The following ARHGAP26 variants were observed in gnomAD, a reference collection of about 807,000 sequenced individuals.
ARHGAP26 encodes rho GTPase-activating protein 26.
A neutral mutation model predicts 104.8 loss-of-function variants in ARHGAP26; 38 were observed. The ratio of observed to expected loss-of-function variants is 0.36; its 90% CI spans 0.28 to 0.48. ARHGAP26 has a LOEUF of 0.48. ARHGAP26 is among the 20% of genes least tolerant of loss of function. The pLI, the probability that ARHGAP26 is intolerant of heterozygous loss-of-function variation, is 0.99. For missense variants in ARHGAP26, 704 were observed against 947.9 expected (o/e 0.74, Z 3.38); for synonymous variants, 341 against 340.0 (o/e 1.00, Z -0.03).
chr5:142,835,443 T>C (rs987318078), intron 1 of ARHGAP26, among the ~76,000 whole-genome samples: 8 of 152,214 alleles, frequency 5.3e-5, no homozygotes, highest in Non-Finnish European at 8.8e-5. Context: ...ATATCAAGTC[T>C]ATTTGATACA....
intron 1 of ARHGAP26, chr5:142,859,740 G>C (rs1400683651): frequency 6.6e-6 from 1 of 152,256 alleles, no homozygotes; most frequent in African/African-American, 2.4e-5. Context: ...GTGTGAGGAG[G>C]GCCTGAAAGG....
intron 1 of ARHGAP26, among the ~76,000 whole-genome samples, chr5:142,852,605 C>T (rs901258094): frequency 3.3e-5 from 5 of 152,204 alleles, no homozygotes; most frequent in Admixed American, 1.3e-4. Flanking sequence ...CATGCATTCT[C>T]GCATGTTGAT....
At position 143,224,614 on chromosome 5, in the gene ARHGAP26, A is replaced by C. The variant is rs1267125953; in HGVS notation, c.*2168A>C. On this transcript the variant is annotated 3_prime_UTR_variant, in exon 23 of 23. Coordinates refer to ENST00000645722, the MANE Select transcript of ARHGAP26 (RefSeq NM_001135608.3). ...CTGTGCTCTTTACTTCTTTTTCTCC[A>C]CATCTTCTGAGGCTTTAGAAATGTG... 1.3e-5 allele frequency: 3 copies of C among 231,060 alleles called. No individual in the cohort carries two copies. Among genetic ancestry groups the C allele is most frequent in the Admixed American group, 1.1e-4 (2 of 17,722 alleles). 14.3% of individuals were successfully genotyped at this position (231,060 alleles called of 1,614,324 possible). A position where few individuals can be genotyped will look rare whatever the true frequency, so the allele number is the denominator to read the frequency against.
At chr5:142,864,578 G>C (rs944978198) in intron 1 of ARHGAP26, among the ~76,000 whole-genome samples, 3 of 152,096 alleles carry the variant, frequency 2.0e-5, no homozygotes, top group African/African-American at 7.2e-5. Context: ...GGGTTGATCT[G>C]GTGACTCAAT....
intron 20 of ARHGAP26, among the ~76,000 whole-genome samples, chr5:143,177,690 G>A (rs1803686294): frequency 6.6e-6 from 1 of 152,166 alleles, no homozygotes; most frequent in Non-Finnish European, 1.5e-5. Flanking sequence ...GAAACAGTTT[G>A]CAGAGTGTTT....
chr5:143,116,309 T>C (rs960221958), intron 17 of ARHGAP26, among the ~76,000 whole-genome samples: 2 of 152,200 alleles, frequency 1.3e-5, no homozygotes, highest in Non-Finnish European at 2.9e-5. Context: ...GGATGGTGGA[T>C]AAGTGGGATG....
In ARHGAP26 at chr5:142,992,129, T is replaced by C. The variant is rs79179963; in HGVS notation, c.1108-21951T>C. ...CTCCTTTTGCAATTAGTTTATCCTT[T>C]GTACATTTTTTTTCTTTTGGTGTAT... On this transcript the variant is annotated intron_variant, in intron 11 of 22. Transcript: ENST00000645722. 6.8e-3 allele frequency among the ~76,000 whole-genome samples: 1,040 copies of C among 152,296 alleles called. 20 individuals carry two copies. Among genetic ancestry groups the C allele is most frequent in the African/African-American group, 0.024 (984 of 41,562 alleles).
At chr5:142,773,103 G>T (rs964615527) in intron 1 of ARHGAP26, among the ~76,000 whole-genome samples, 14 of 152,108 alleles carry the variant, frequency 9.2e-5, no homozygotes, top group Non-Finnish European at 1.9e-4. Flanking sequence ...AAAATAGAGG[G>T]TGGAGTCAAC....
chr5:143,187,372 AT>A, intron 20 of ARHGAP26, among the ~76,000 whole-genome samples: 1 of 152,174 alleles, frequency 6.6e-6, no homozygotes, highest in African/African-American at 2.4e-5. Context: ...CTTCCAAGCC[AT>A]TTTTTCCTCT....
intron 20 of ARHGAP26, among the ~76,000 whole-genome samples, chr5:143,200,662 T>A (rs1807566464): frequency 6.6e-6 from 1 of 152,226 alleles, no homozygotes; most frequent in Non-Finnish European, 1.5e-5. Context: ...AAATTATGTA[T>A]GGTTGTATTT....
In ARHGAP26 at chr5:143,228,108, C is replaced by T. The variant is rs183115570; in HGVS notation, c.*5662C>T. 2.9e-4 allele frequency: 64 copies of T among 224,018 alleles called. No individual in the cohort carries two copies. Among genetic ancestry groups the T allele is most frequent in the South Asian group, 9.2e-4 (5 of 5,454 alleles). The allele number at this position is 224,018 out of a possible 1,614,324, so 13.9% of individuals were successfully genotyped here. On this transcript the variant is annotated 3_prime_UTR_variant, in exon 23 of 23. Transcript: ENST00000645722. ...GCAGTCCTGGAGAGGTTAAGACATTCTATACTGTTCTACGTCAACCATTTC... is the reference window on the plus strand; with the variant it reads ...GCAGTCCTGGAGAGGTTAAGACATTTTATACTGTTCTACGTCAACCATTTC...
chr5:143,066,039 C>T (rs970596307), intron 17 of ARHGAP26, among the ~76,000 whole-genome samples: 4 of 152,152 alleles, frequency 2.6e-5, no homozygotes, highest in East Asian at 1.9e-4. Flanking sequence ...TACAGTCATG[C>T]GCCACATAAC....
intron 19 of ARHGAP26, among the ~76,000 whole-genome samples, chr5:143,143,785 C>T (rs1798838447): frequency 6.6e-6 from 1 of 152,180 alleles, no homozygotes; most frequent in Non-Finnish European, 1.5e-5. Context: ...TGCTGTATGG[C>T]CAGACAGCAT....
intron 11 of ARHGAP26, among the ~76,000 whole-genome samples, chr5:142,980,304 A>G (rs748699703): frequency 5.9e-5 from 9 of 152,126 alleles, no homozygotes; most frequent in Non-Finnish European, 1.0e-4. Context: ...CGATTGAACA[A>G]TGGATTGTTT....
At chr5:142,782,832 G>A (rs1346104710) in intron 1 of ARHGAP26, among the ~76,000 whole-genome samples, 8 of 152,206 alleles carry the variant, frequency 5.3e-5, no homozygotes, top group Admixed American at 2.0e-4. Flanking sequence ...CAGGCCTGTG[G>A]TAAGTGACCT....
chr5:143,132,779 T>A (rs1484318862), intron 18 of ARHGAP26, among the ~76,000 whole-genome samples: 1 of 150,112 alleles, frequency 6.7e-6, no homozygotes, highest in Non-Finnish European at 1.5e-5. Flanking sequence ...GTGCCTACTA[T>A]AAAAGAGATG....
chr5:142,999,172 T>G (rs1319121235), intron 11 of ARHGAP26, among the ~76,000 whole-genome samples: 1 of 152,176 alleles, frequency 6.6e-6, no homozygotes, highest in Non-Finnish European at 1.5e-5. Flanking sequence ...TTGATCCGGG[T>G]CCCACAGTAA....
chr5:143,119,545 G>A (rs1347133537), intron 17 of ARHGAP26, among the ~76,000 whole-genome samples: 1 of 152,208 alleles, frequency 6.6e-6, no homozygotes, highest in Non-Finnish European at 1.5e-5. Flanking sequence ...GAAATGTGAT[G>A]TAATTCTGGG....
intron 20 of ARHGAP26, among the ~76,000 whole-genome samples, chr5:143,172,301 A>T (rs536200383): frequency 9.7e-4 from 143 of 147,584 alleles, no homozygotes; most frequent in Non-Finnish European, 1.8e-3. Context: ...GTTACTCTTT[A>T]AAAAAAAAAA....
Sources: gnomAD v4.1 joint callset for allele counts (sites outside exome capture counted in the v4.1 genomes callset) on GRCh38, gnomAD v4.1.1 for gene constraint, MANE v1.5 for transcripts, NCBI Gene and HGNC (gene_info 2026-07-23, HGNC 2026-07-21) for gene names.